ARID4B: variants seen among roughly 807,000 people sequenced by gnomAD.
The protein encoded by ARID4B is AT-rich interaction domain 4B, also known as AT-rich interactive domain-containing protein 4B.
A neutral mutation model predicts 147.5 loss-of-function variants in ARID4B; 26 were observed. That is an observed-to-expected ratio of 0.18 (90% CI 0.13 to 0.24). ARID4B has a LOEUF of 0.24. ARID4B is among the 10% of genes least tolerant of loss of function. The pLI is 1.00. For synonymous variants in ARID4B, 512 were observed against 507.9 expected (o/e 1.01, Z -0.11); for missense variants, 1,179 against 1,511.5 (o/e 0.78, Z 3.65).
intron 15 of ARID4B, 33 bp from the exon 16 acceptor site, chr1:235,220,001 A>C (rs1427913823): frequency 7.7e-6 from 11 of 1,423,496 alleles, no homozygotes; most frequent in Non-Finnish European, 9.3e-6. Flanking sequence ...AAACCAACAA[A>C]AGTAAAAATT....
intron 2 of ARID4B, among the ~76,000 whole-genome samples, chr1:235,301,148 A>C (rs564250141): frequency 4.0e-5 from 6 of 149,232 alleles, no homozygotes; most frequent in Non-Finnish European, 7.4e-5. Flanking sequence ...AGCCTCCCAA[A>C]GTGTTGGGAT....
intron 2 of ARID4B, among the ~76,000 whole-genome samples, chr1:235,317,998 C>T (rs767974815): frequency 6.6e-5 from 10 of 151,998 alleles, no homozygotes; most frequent in African/African-American, 9.7e-5. Flanking sequence ...AATACATGTT[C>T]GCACAGAAAC....
intron 2 of ARID4B, among the ~76,000 whole-genome samples, chr1:235,301,065 G>A (rs10925362): frequency 0.35 from 36,244 of 102,574 alleles, 6,379 homozygotes; most frequent in South Asian, 0.58. Flanking sequence ...TTTTTTTTTA[G>A]TATACAGACA....
At chr1:235,169,926 T>G (rs941272750) in intron 23 of ARID4B, among the ~76,000 whole-genome samples, 9 of 152,308 alleles carry the variant, frequency 5.9e-5, no homozygotes, top group South Asian at 2.1e-4. Context: ...CTTCCCTAAG[T>G]GCTGGAATTA....
At chr1:235,282,631 T>C (rs910415532) in intron 2 of ARID4B, among the ~76,000 whole-genome samples, 4 of 152,150 alleles carry the variant, frequency 2.6e-5, no homozygotes, top group African/African-American at 9.7e-5. Context: ...CAATAAAGCC[T>C]GTACTTTCGA....
At chr1:235,309,072 G>A (rs1673810935) in intron 2 of ARID4B, among the ~76,000 whole-genome samples, 1 of 150,476 alleles carries the variant, frequency 6.6e-6, no homozygotes, top group Admixed American at 6.6e-5. Flanking sequence ...GAAGTGAGGA[G>A]CGTCTCTGCC....
At chr1:235,220,096 A>C in intron 15 of ARID4B, 128 bp from the exon 16 acceptor site, 1 of 787,748 alleles carries the variant, frequency 1.3e-6, no homozygotes, top group Non-Finnish European at 1.8e-6. Context: ...ACTTTTAAGA[A>C]ACTCCTGCTA....
Position 235,309,937 on chromosome 1 carries a change from G to A in ARID4B, c.6+16977C>T, listed in dbSNP as rs573435609. On this transcript the variant is annotated intron_variant, in intron 2 of 23. Coordinates refer to ENST00000264183, the MANE Select transcript of ARID4B (RefSeq NM_016374.6). ...TCCACTCAGGGTTAAATGGATTAAGGGAGGTGCAAGATGTGCTTTGTTAAA... is the reference window on the plus strand; with the variant it reads ...TCCACTCAGGGTTAAATGGATTAAGAGAGGTGCAAGATGTGCTTTGTTAAA... 1.1e-3 allele frequency among the ~76,000 whole-genome samples: 172 copies of A among 152,212 alleles called. 1 individual carries two copies. Among genetic ancestry groups the A allele is most frequent in the African/African-American group, 4.1e-3 (169 of 41,518 alleles).
At chr1:235,236,206 A>G (rs540464856) in intron 8 of ARID4B, among the ~76,000 whole-genome samples, 1 of 152,326 alleles carries the variant, frequency 6.6e-6, no homozygotes, top group South Asian at 2.1e-4. Context: ...TGGTCGATTT[A>G]GAACATAATT....
intron 2 of ARID4B, among the ~76,000 whole-genome samples, chr1:235,264,346 A>G (rs1478353334): frequency 6.6e-6 from 1 of 152,254 alleles, no homozygotes; most frequent in African/African-American, 2.4e-5. Context: ...AATATGAATG[A>G]GACTTTACAC....
At chr1:235,242,073 C>T (rs1357480508) in intron 7 of ARID4B, among the ~76,000 whole-genome samples, 1 of 151,786 alleles carries the variant, frequency 6.6e-6, no homozygotes, top group African/African-American at 2.4e-5. Context: ...AATGGTGAAA[C>T]CTCGTCTCTA....
chr1:235,296,214 GA>G, intron 2 of ARID4B: 1 of 157,416 alleles, frequency 6.4e-6, no homozygotes. Context: ...AACAGGCTAA[GA>G]AAAAGCTCTG....
At chr1:235,310,785 C>T (rs1007963153) in intron 2 of ARID4B, among the ~76,000 whole-genome samples, 3 of 152,120 alleles carry the variant, frequency 2.0e-5, no homozygotes, top group Admixed American at 6.5e-5. Flanking sequence ...TCCTCCCAGC[C>T]TCAACTTCCT....
chr1:235,185,508 A>G (rs1664613265), intron 19 of ARID4B, among the ~76,000 whole-genome samples: 1 of 152,204 alleles, frequency 6.6e-6, no homozygotes, highest in Non-Finnish European at 1.5e-5. Flanking sequence ...AACAGCTGTC[A>G]TCCGGGGAAT....
At position 235,232,192 on chromosome 1, in the gene ARID4B, A is replaced by G. The variant is rs529750526; in HGVS notation, c.666-1003T>C. Among the ~76,000 whole-genome samples the G allele has an allele frequency of 1.4e-3, 214 of 152,236 alleles. 1 individual carries two copies. The highest frequency in any genetic ancestry group is 5.1e-3 in the African/African-American group (212 of 41,552). ...CCCAGCACTTTGGGAAGCTGAGGCG[A>G]GTGGATCACCTGGGGTCAGGAGTTC... On this transcript the variant is annotated intron_variant, in intron 9 of 23. Transcript: ENST00000264183.
At chr1:235,174,198 C>T (rs928849044) in intron 22 of ARID4B, among the ~76,000 whole-genome samples, 2 of 151,898 alleles carry the variant, frequency 1.3e-5, no homozygotes, top group Non-Finnish European at 2.9e-5. Context: ...TGCCACCACG[C>T]GCAGCTAATT....
At chr1:235,323,228 C>T (rs1158006260) in intron 2 of ARID4B, among the ~76,000 whole-genome samples, 6 of 151,648 alleles carry the variant, frequency 4.0e-5, no homozygotes, top group African/African-American at 7.3e-5. Context: ...TTAGTAGAGA[C>T]GGGGTTTTCA....
intron 21 of ARID4B, 51 bp from the exon 22 acceptor site, chr1:235,175,450 T>G (rs375954375): frequency 4.9e-5 from 73 of 1,475,388 alleles, no homozygotes; most frequent in Non-Finnish European, 6.3e-5. Flanking sequence ...AATAAATTTG[T>G]CACAGATTTT....
intron 2 of ARID4B, among the ~76,000 whole-genome samples, chr1:235,264,458 A>G (rs767918962): frequency 4.6e-5 from 7 of 152,238 alleles, no homozygotes; most frequent in Non-Finnish European, 1.0e-4. Flanking sequence ...ATGAGGTAAT[A>G]GAGCAGACTG....
Sources: allele counts gnomAD v4.1 joint callset (sites outside exome capture counted in the v4.1 genomes callset), GRCh38; gene constraint gnomAD v4.1.1; transcripts MANE v1.5; gene names NCBI Gene and HGNC (gene_info 2026-07-23, HGNC 2026-07-21).